The following PCM1 variants were observed in gnomAD, a reference collection of about 807,000 sequenced individuals.
PCM1 encodes pericentriolar material 1 protein.
PCM1 carries 157 observed loss-of-function variants against 241.9 expected under a neutral mutation model. The ratio of observed to expected loss-of-function variants is 0.65; its 90% CI spans 0.57 to 0.74. PCM1 has a LOEUF of 0.74. Among genes scored for constraint, PCM1 ranks in the 30% least tolerant of loss-of-function variants. The probability of loss-of-function intolerance (pLI) is 0.00; values close to 1 mark genes in which losing one functional copy is unlikely to be tolerated. For missense variants in PCM1, 3,478 were observed against 2,360.1 expected, an observed-to-expected ratio of 1.47 and a Z score of -9.81; for synonymous variants, 1,085 against 784.9, an observed-to-expected ratio of 1.38 and a Z score of -6.39.
chr8:18,001,407 CA>C (rs1339108316), intron 29 of PCM1, among the ~76,000 whole-genome samples: 8 of 152,110 alleles, frequency 5.3e-5, no homozygotes. Context: ...GCTTTTTAGA[CA>C]AGCTGATTGT....
chr8:17,934,790 A>G (rs2129448559), intron 2 of PCM1: 1 of 152,302 alleles, frequency 6.6e-6, no homozygotes, highest in Middle Eastern at 3.4e-3. Context: ...TTACTTTCTG[A>G]TGATCATCTC....
At chr8:18,020,114 C>A (rs561286352) in intron 36 of PCM1, among the ~76,000 whole-genome samples, 6 of 152,206 alleles carry the variant, frequency 3.9e-5, no homozygotes, top group African/African-American at 1.4e-4. Context: ...CCTTATAACC[C>A]CTTCAGGTTC....
intron 23 of PCM1, among the ~76,000 whole-genome samples, chr8:17,973,141 A>G (rs912023391): frequency 2.0e-5 from 3 of 152,184 alleles, no homozygotes; most frequent in Admixed American, 6.5e-5. Context: ...AGGCTGGCTT[A>G]AGTCCTTCTG....
chr8:17,989,786 T>C (rs571686666), intron 26 of PCM1, 73 bp from the exon 27 acceptor site: 2 of 1,023,426 alleles, frequency 2.0e-6, no homozygotes, highest in Non-Finnish European at 2.8e-6. Flanking sequence ...AAATACTTAG[T>C]TATCTCTGTT....
At chr8:17,976,231 A>G (rs75011827) in intron 23 of PCM1, among the ~76,000 whole-genome samples, 3,112 of 152,298 alleles carry the variant, frequency 0.02, 112 homozygotes, top group African/African-American at 0.071. Flanking sequence ...CAGAGAAAAA[A>G]GTAGTCCAAG....
intron 26 of PCM1, among the ~76,000 whole-genome samples, chr8:17,988,139 A>G (rs2083239386): frequency 6.6e-6 from 1 of 151,812 alleles, no homozygotes; most frequent in Admixed American, 6.6e-5. Context: ...GCTCCCGATG[A>G]TAATAAAATG....
At chr8:17,946,832 A>AGT (rs368892136) in intron 6 of PCM1, among the ~76,000 whole-genome samples, 19,317 of 138,186 alleles carry the variant, frequency 0.14, 1,230 homozygotes, top group South Asian at 0.22. Context: ...TAGATTCTTC[A>AGT]GTGTGTGTGT....
intron 2 of PCM1, among the ~76,000 whole-genome samples, chr8:17,932,010 T>A (rs180799385): frequency 9.9e-5 from 15 of 152,274 alleles, no homozygotes; most frequent in African/African-American, 3.6e-4. Context: ...GTTTCTTAGC[T>A]TTTGTTTAAA....
intron 2 of PCM1, among the ~76,000 whole-genome samples, chr8:17,933,467 C>T (rs2059594230): frequency 6.6e-6 from 1 of 152,140 alleles, no homozygotes; most frequent in Non-Finnish European, 1.5e-5. Context: ...AGGAGAATCC[C>T]AGTGGGATCT....
chr8:18,014,737 C>T lies in PCM1; in HGVS notation c.5738C>T (p.Pro1913Leu), dbSNP rs367995490. 172 of 1,613,282 alleles carry T rather than the reference C, an allele frequency of 1.1e-4. No individual in the cohort carries two copies. Among genetic ancestry groups the T allele is most frequent in the Non-Finnish European group, 1.4e-4 (163 of 1,179,820 alleles). Residue 1913 changes from proline to leucine, a missense_variant, in exon 36 of 39, where the codon CCC becomes CTC. Physicochemically the swap from Pro to Leu is moderately conservative, Grantham distance 98. Coordinates refer to ENST00000325083, the MANE Select transcript of PCM1 (RefSeq NM_006197.4). ...CCGTTACGTTTACCTGAAATGGAAC[C>T]CTTAGTGCCTAGAGTCAAAGAAGTT... is the stretch of plus-strand genomic sequence containing the variant. ...PLPLRLPEMEPLVPRVKEVKS... is the reference protein window; with the variant it reads ...PLPLRLPEMELLVPRVKEVKS...
chr8:18,004,570 A>C (rs2129483922), intron 29 of PCM1, among the ~76,000 whole-genome samples: 1 of 152,290 alleles, frequency 6.6e-6, no homozygotes, highest in Admixed American at 6.5e-5. Context: ...AGGCCAGTAA[A>C]GAGTAGAACT....
rs1228444164 is a variant in PCM1 at position 17,993,486 on chromosome 8, C to T, written c.4694C>T (p.Thr1565Ile). Reference sequence around the variant, plus strand: ...GTATTTTCTTTTTAAAAATTAGAAACTCCCGTTATTGAAAATCGTAGTTCA... The same window carrying T: ...GTATTTTCTTTTTAAAAATTAGAAATTCCCGTTATTGAAAATCGTAGTTCA... ...AGTTVNNLEETPVIENRSSQQ... is the reference protein window; with the variant it reads ...AGTTVNNLEEIPVIENRSSQQ... Residue 1565 changes from threonine to isoleucine, a missense_variant, in exon 29 of 39, where the codon ACT becomes ATT. Physicochemically the swap from Thr to Ile is moderately conservative, Grantham distance 89 (BLOSUM62 -1). Transcript: ENST00000325083. 1.1e-5 allele frequency: 17 copies of T among 1,555,754 alleles called. No individual in the cohort carries two copies. The highest frequency in any genetic ancestry group is 5.5e-5 in the African/African-American group (4 of 72,860).
At chr8:17,976,479 G>C (rs1396988325) in intron 23 of PCM1, among the ~76,000 whole-genome samples, 2 of 152,132 alleles carry the variant, frequency 1.3e-5, no homozygotes, top group Non-Finnish European at 2.9e-5. Context: ...AGCATCCTGG[G>C]GCAAGAGAGA....
chr8:17,956,896 C>A, intron 11 of PCM1, 119 bp downstream of exon 11: 3 of 815,030 alleles, frequency 3.7e-6, no homozygotes, highest in Non-Finnish European at 5.8e-6. Context: ...AAGCTTTCTA[C>A]TATTTTGGTC....
At chr8:17,999,809 T>C (rs2088570270) in intron 29 of PCM1, among the ~76,000 whole-genome samples, 1 of 152,132 alleles carries the variant, frequency 6.6e-6, no homozygotes, top group Non-Finnish European at 1.5e-5. Flanking sequence ...GGTGGAGGCT[T>C]CTGTTCTGCC....
chr8:17,990,544 C>T (rs2084253678), intron 27 of PCM1, among the ~76,000 whole-genome samples: 1 of 150,094 alleles, frequency 6.7e-6, no homozygotes, highest in Non-Finnish European at 1.5e-5. Flanking sequence ...TAGAGGGTTG[C>T]CTGGCTGCAG....
intron 10 of PCM1, chr8:17,956,062 A>T (rs1379295528): frequency 4.5e-6 from 1 of 220,742 alleles, no homozygotes; most frequent in Non-Finnish European, 9.0e-6. Context: ...ATGATAATAT[A>T]CCTGTTGATA....
chr8:17,969,736 C>T lies in PCM1; in HGVS notation c.3572C>T (p.Ala1191Val). Residue 1191 changes from alanine (A) to valine (V), a missense_variant, in exon 22 of 39, where the codon GCA (alanine) becomes GTA (valine). By Grantham distance (64) the Ala-to-Val change is moderately conservative. Transcript: ENST00000325083. ...KPFESSSSIG[A>V]EKPRNKKLPE... ...TTTGAAAGCAGTTCCTCTATTGGAG[C>T]AGAGAAACCAAGGTACTGATTGTAA... 2 of 1,534,122 alleles carry T rather than the reference C, an allele frequency of 1.3e-6. No homozygotes were observed. Among genetic ancestry groups the T allele is most frequent in the Non-Finnish European group, 1.7e-6 (2 of 1,145,304 alleles).
At chr8:17,930,589 G>A (rs2058676251) in intron 2 of PCM1, among the ~76,000 whole-genome samples, 1 of 151,926 alleles carries the variant, frequency 6.6e-6, no homozygotes, top group Non-Finnish European at 1.5e-5. Flanking sequence ...GGGAAATGTT[G>A]TGAATGTGGC....
Sources: allele counts gnomAD v4.1 joint callset (sites outside exome capture counted in the v4.1 genomes callset), GRCh38; gene constraint gnomAD v4.1.1; transcripts MANE v1.5; gene names NCBI Gene and HGNC (gene_info 2026-07-23, HGNC 2026-07-21).